Variants in CLEC16A observed in about 807,000 individuals in gnomAD.
CLEC16A encodes protein CLEC16A.
CLEC16A carries 51 observed loss-of-function variants against 109.5 expected under a neutral mutation model. That is an observed-to-expected ratio of 0.47 (90% CI 0.37 to 0.59). CLEC16A has a LOEUF of 0.59. CLEC16A is among the 20% of genes least tolerant of loss of function. The probability of loss-of-function intolerance (pLI) is 0.00; values close to 1 mark genes in which losing one functional copy is unlikely to be tolerated. For synonymous variants in CLEC16A, 673 were observed against 564.2 expected (o/e 1.19, Z -2.73); for missense variants, 1,339 against 1,394.0 (o/e 0.96, Z 0.63).
At chr16:11,077,998 TG>T (rs2049484433) in intron 19 of CLEC16A, among the ~76,000 whole-genome samples, 1 of 149,036 alleles carries the variant, frequency 6.7e-6, no homozygotes, top group South Asian at 2.1e-4. Flanking sequence ...TGTGTGTGTG[TG>T]TGTGTGTGTG....
intron 19 of CLEC16A, among the ~76,000 whole-genome samples, chr16:11,089,851 C>T (rs1480121862): frequency 6.6e-6 from 1 of 152,224 alleles, no homozygotes; most frequent in Non-Finnish European, 1.5e-5. Context: ...CGGTCCAAAC[C>T]AGTCAACCCT....
At chr16:11,112,495 C>CAAAAAAAAA (rs984574100) in intron 19 of CLEC16A, among the ~76,000 whole-genome samples, 3 of 85,588 alleles carry the variant, frequency 3.5e-5, no homozygotes, top group Non-Finnish European at 4.7e-5. Context: ...CCTATCTCTA[C>CAAAAAAAAA]AAAAAAAAAA....
At chr16:11,027,302 C>A (rs1261302512) in intron 13 of CLEC16A, 25 of 1,519,800 alleles carry the variant, frequency 1.6e-5, no homozygotes, top group Non-Finnish European at 2.3e-5. Flanking sequence ...TTGTACGCAT[C>A]GAAAGGATTG....
At position 10,957,713 on chromosome 16, in the gene CLEC16A, A is replaced by T. The variant is rs1424986499; in HGVS notation, c.81-69A>T. 7 of 1,515,012 alleles carry T rather than the reference A, an allele frequency of 4.6e-6. No individual in the cohort carries two copies. The Admixed American group carries it at 1.2e-4, about 26-fold the overall frequency. The allele number at this position is 1,515,012 out of a possible 1,614,324, so 93.8% of individuals were successfully genotyped here. A position where few individuals can be genotyped will look rare whatever the true frequency, so the allele number is the denominator to read the frequency against. ...GCTGCATTGTCTCCAAAATATTGCTAATGGTCATGGAACTTGGCTTGCATT... is the reference window on the plus strand; with the variant it reads ...GCTGCATTGTCTCCAAAATATTGCTTATGGTCATGGAACTTGGCTTGCATT... On this transcript the variant is annotated intron_variant, in intron 1 of 23. Transcript: ENST00000409790.
At chr16:11,146,007 C>T (rs1374399405) in intron 22 of CLEC16A, among the ~76,000 whole-genome samples, 1 of 152,244 alleles carries the variant, frequency 6.6e-6, no homozygotes, top group African/African-American at 2.4e-5. Context: ...GGCCTCTCCG[C>T]AGCCTTGACC....
At chr16:11,116,800 T>C (rs2052025996) in intron 19 of CLEC16A, among the ~76,000 whole-genome samples, 1 of 152,160 alleles carries the variant, frequency 6.6e-6, no homozygotes, top group Non-Finnish European at 1.5e-5. Flanking sequence ...GAGCCAAATA[T>C]CTGGTTAATG....
Position 11,179,437 on chromosome 16 carries a change from C to A in CLEC16A, c.*747C>A, listed in dbSNP as rs1383470560. On this transcript the variant is annotated 3_prime_UTR_variant, in exon 24 of 24. Coordinates refer to ENST00000409790, the MANE Select transcript of CLEC16A (RefSeq NM_015226.3). ...AAAACAAGGGAGATACATGTATTCTCAGGTACACACAGAGCTGAGAGGGCT... is the reference window on the plus strand; with the variant it reads ...AAAACAAGGGAGATACATGTATTCTAAGGTACACACAGAGCTGAGAGGGCT... 5 of 152,212 alleles carry A rather than the reference C, an allele frequency of 3.3e-5. No individual in the cohort carries two copies. The highest frequency in any genetic ancestry group is 1.5e-5 in the Non-Finnish European group (1 of 68,044). 9.4% of individuals were successfully genotyped at this position (152,212 alleles called of 1,614,324 possible).
Position 11,120,721 on chromosome 16 carries a change from G to A in CLEC16A, c.2223G>A (p.Val741=). 6.3e-7 allele frequency: 1 copy of A among 1,598,938 alleles called. No homozygotes were observed. Among genetic ancestry groups the A allele is most frequent in the Admixed American group, 1.7e-5 (1 of 57,330 alleles). Residue 741 remains valine (V), a synonymous_variant, in exon 20 of 24, where the codon GTG becomes GTA. Transcript: ENST00000409790. ...AGATGAGTTTGGTGGAGCCTGATGT[G>A]TCCAGGCTTGGCTGGGGAGTGGTCA... is the stretch of plus-strand genomic sequence containing the variant. ...IYQMSLVEPD[V]SRLGWGVVKF...
chr16:11,165,279 C>T (rs2068209152), intron 22 of CLEC16A, among the ~76,000 whole-genome samples: 1 of 152,028 alleles, frequency 6.6e-6, no homozygotes, highest in African/African-American at 2.4e-5. Flanking sequence ...TCACTTGAGT[C>T]CAGGAGTTCA....
At chr16:10,957,600 T>C (rs1451515161) in intron 1 of CLEC16A, among the ~76,000 whole-genome samples, 182 bp from the exon 2 acceptor site, 1 of 152,220 alleles carries the variant, frequency 6.6e-6, no homozygotes, top group Non-Finnish European at 1.5e-5. Context: ...GGTTTAACCC[T>C]TCAAAGCATT....
chr16:10,995,650 C>T (rs2152734729), intron 10 of CLEC16A, among the ~76,000 whole-genome samples: 1 of 152,276 alleles, frequency 6.6e-6, no homozygotes, highest in Admixed American at 6.5e-5. Context: ...TGTTGGATCC[C>T]ACACTACCCC....
At chr16:10,964,301 C>T (rs2042397492) in intron 3 of CLEC16A, among the ~76,000 whole-genome samples, 1 of 152,236 alleles carries the variant, frequency 6.6e-6, no homozygotes, top group Non-Finnish European at 1.5e-5. Flanking sequence ...TTGTTACCAG[C>T]GCCTGTTTCA....
chr16:11,172,300 ACACT>A (rs745815301), intron 23 of CLEC16A, among the ~76,000 whole-genome samples: 26 of 152,154 alleles, frequency 1.7e-4, no homozygotes, highest in Non-Finnish European at 2.8e-4. Flanking sequence ...CTACACATAC[ACACT>A]CACACATAGA....
chr16:11,056,548 C>G (rs1382580590), intron 18 of CLEC16A: 1 of 152,194 alleles, frequency 6.6e-6, no homozygotes, highest in Non-Finnish European at 1.5e-5. Context: ...ATATAGTCAT[C>G]TTGGAAGCGG....
chr16:11,024,872 C>T lies in CLEC16A; in HGVS notation c.1488C>T (p.Tyr496=), dbSNP rs201067989. The change falls in exon 13 of 24, where the codon TAC becomes TAT. Residue 496 remains tyrosine (Y), a synonymous_variant. Coordinates refer to ENST00000409790, the MANE Select transcript of CLEC16A (RefSeq NM_015226.3). ...YHALDSPDDD[Y]HALFVLCLLY... Reference sequence around the variant, plus strand: ...CGCTGGACAGCCCGGATGATGATTACCATGCCCTGTTCGTGCTCTGCCTCC... The same window carrying T: ...CGCTGGACAGCCCGGATGATGATTATCATGCCCTGTTCGTGCTCTGCCTCC... 3.4e-5 allele frequency: 54 copies of T among 1,610,268 alleles called. No individual in the cohort carries two copies. The highest frequency in any genetic ancestry group is 1.8e-4 in the Admixed American group (11 of 59,576).
At chr16:10,945,133 A>G (rs2041285533) in intron 1 of CLEC16A, among the ~76,000 whole-genome samples, 1 of 152,192 alleles carries the variant, frequency 6.6e-6, no homozygotes, top group Admixed American at 6.5e-5. Context: ...TCTTAAACTG[A>G]ACAGCTTAGA....
At chr16:11,175,025 G>A (rs999677009) in intron 23 of CLEC16A, among the ~76,000 whole-genome samples, 4 of 152,198 alleles carry the variant, frequency 2.6e-5, no homozygotes, top group Admixed American at 1.3e-4. Flanking sequence ...CTTCTTTTGT[G>A]TTGAAATCCT....
chr16:11,140,047 G>A (rs2053750854), intron 22 of CLEC16A, among the ~76,000 whole-genome samples: 1 of 152,106 alleles, frequency 6.6e-6, no homozygotes, highest in Non-Finnish European at 1.5e-5. Context: ...CCCTGGAGAG[G>A]GTGCCTGCTT....
chr16:11,045,419 A>T (rs898874987), intron 16 of CLEC16A, among the ~76,000 whole-genome samples: 1 of 152,154 alleles, frequency 6.6e-6, no homozygotes, highest in Non-Finnish European at 1.5e-5. Context: ...GGCAGATTTG[A>T]TATCTTGTGA....
Sources: gnomAD v4.1 joint callset for allele counts (sites outside exome capture counted in the v4.1 genomes callset) on GRCh38, gnomAD v4.1.1 for gene constraint, MANE v1.5 for transcripts, NCBI Gene and HGNC (gene_info 2026-07-23, HGNC 2026-07-21) for gene names.